TRPC7: variants seen among roughly 807,000 people sequenced by gnomAD.
TRPC7 encodes the protein short transient receptor potential channel 7.
A neutral mutation model predicts 90.1 loss-of-function variants in TRPC7; 42 were observed. That is an observed-to-expected ratio of 0.47 (90% CI 0.36 to 0.60). The LOEUF (loss-of-function observed/expected upper bound fraction) is 0.60, where lower values mean the gene tolerates loss of function less well. Among genes scored for constraint, TRPC7 ranks in the 20% least tolerant of loss-of-function variants. The pLI is 0.00. For missense variants in TRPC7, 955 were observed against 1,112.3 expected (o/e 0.86, Z 2.01); for synonymous variants, 451 against 436.3 (o/e 1.03, Z -0.42).
chr5:136,261,784 T>C (rs959611479), intron 5 of TRPC7, among the ~76,000 whole-genome samples: 3 of 152,258 alleles, frequency 2.0e-5, no homozygotes, highest in African/African-American at 7.2e-5. Context: ...TGCATTGATA[T>C]GTCCAAATTT....
Position 136,216,868 on chromosome 5 carries a change from A to G in TRPC7, c.2344-593T>C, listed in dbSNP as rs187651117. ...CGGGCCTCTGGGGTTTTACAGAGAT[A>G]CCACTTCCCACAGGCCTGACACTGT... On this transcript the variant is annotated intron_variant, in intron 10 of 11. Transcript: ENST00000513104. 2.4e-3 allele frequency among the ~76,000 whole-genome samples: 370 copies of G among 152,320 alleles called. 1 individual carries two copies. Among genetic ancestry groups the G allele is most frequent in the African/African-American group, 8.5e-3 (355 of 41,572 alleles).
chr5:136,310,887 C>T (rs544853227), intron 3 of TRPC7, among the ~76,000 whole-genome samples: 5 of 152,234 alleles, frequency 3.3e-5, no homozygotes, highest in African/African-American at 1.2e-4. Context: ...CTCTAGACCT[C>T]ATAGGTGGTG....
chr5:136,328,171 A>G (rs1458082752), intron 2 of TRPC7, among the ~76,000 whole-genome samples: 1 of 152,160 alleles, frequency 6.6e-6, no homozygotes, highest in Admixed American at 6.5e-5. Context: ...TAGTGCAGAG[A>G]CCGACAACAT....
intron 1 of TRPC7, among the ~76,000 whole-genome samples, chr5:136,360,224 T>C (rs1760525537): frequency 6.6e-6 from 1 of 152,236 alleles, no homozygotes; most frequent in Admixed American, 6.5e-5. Context: ...GTGAATATCA[T>C]AGACACTGCA....
intron 3 of TRPC7, among the ~76,000 whole-genome samples, chr5:136,300,037 CAAG>C (rs938881069): frequency 1.3e-4 from 20 of 151,950 alleles, no homozygotes; most frequent in African/African-American, 3.6e-4. Context: ...ACATGATAAC[CAAG>C]AAGAAGAAAA....
At chr5:136,305,896 C>T (rs1758606769) in intron 3 of TRPC7, among the ~76,000 whole-genome samples, 3 of 152,302 alleles carry the variant, frequency 2.0e-5, no homozygotes, top group African/African-American at 7.2e-5. Context: ...ATACTTTTAC[C>T]ACTTTCCCTT....
At chr5:136,294,413 A>G (rs1381734523) in intron 3 of TRPC7, among the ~76,000 whole-genome samples, 1 of 152,224 alleles carries the variant, frequency 6.6e-6, no homozygotes, top group East Asian at 1.9e-4. Flanking sequence ...TAATATCCAG[A>G]ATCTACAATG....
intron 4 of TRPC7, among the ~76,000 whole-genome samples, chr5:136,273,748 A>T (rs1757275065): frequency 6.6e-6 from 1 of 152,212 alleles, no homozygotes; most frequent in Non-Finnish European, 1.5e-5. Context: ...TGATTACCTA[A>T]GCTTAATTCC....
chr5:136,268,919 T>C (rs1442887411), intron 4 of TRPC7, among the ~76,000 whole-genome samples: 1 of 152,234 alleles, frequency 6.6e-6, no homozygotes, highest in East Asian at 1.9e-4. Context: ...TTCCTTTTTC[T>C]TTATTTGTAA....
chr5:136,235,848 A>T (rs2149798973), intron 7 of TRPC7, among the ~76,000 whole-genome samples: 1 of 152,256 alleles, frequency 6.6e-6, no homozygotes, highest in Non-Finnish European at 1.5e-5. Context: ...GATTCCTTCA[A>T]CTGTGTCAAT....
At chr5:136,328,904 G>A (rs1455917709) in intron 2 of TRPC7, among the ~76,000 whole-genome samples, 1 of 152,250 alleles carries the variant, frequency 6.6e-6, no homozygotes, top group Non-Finnish European at 1.5e-5. Context: ...GCAGGCAGCA[G>A]GGAAGAAGTT....
chr5:136,249,844 C>T (rs918812884), intron 6 of TRPC7, among the ~76,000 whole-genome samples: 3 of 152,146 alleles, frequency 2.0e-5, no homozygotes, highest in African/African-American at 7.2e-5. Flanking sequence ...AAGGAGCCAC[C>T]GTCCAGCTGG....
At chr5:136,363,698 G>A (rs1251415711) in intron 1 of TRPC7, among the ~76,000 whole-genome samples, 1 of 152,074 alleles carries the variant, frequency 6.6e-6, no homozygotes, top group African/African-American at 2.4e-5. Flanking sequence ...GTTAATAAGT[G>A]TTTCTATTAG....
chr5:136,282,215 A>T (rs1441353804), intron 3 of TRPC7, among the ~76,000 whole-genome samples: 1 of 152,124 alleles, frequency 6.6e-6, no homozygotes, highest in Non-Finnish European at 1.5e-5. Flanking sequence ...TGGAACTGGG[A>T]TGGGGTGTGG....
At chr5:136,353,294 G>A (rs986991402) in intron 2 of TRPC7, among the ~76,000 whole-genome samples, 5 of 152,194 alleles carry the variant, frequency 3.3e-5, no homozygotes, top group African/African-American at 9.7e-5. Context: ...AAAAACAATA[G>A]TCTGGGAAAA....
chr5:136,265,561 T>G (rs1259012386), intron 5 of TRPC7, among the ~76,000 whole-genome samples: 2 of 152,220 alleles, frequency 1.3e-5, no homozygotes, highest in Non-Finnish European at 2.9e-5. Flanking sequence ...CAGTTTTATT[T>G]TGTTCTGATT....
chr5:136,248,032 G>C (rs1210909388), intron 6 of TRPC7, among the ~76,000 whole-genome samples: 1 of 152,016 alleles, frequency 6.6e-6, no homozygotes, highest in Non-Finnish European at 1.5e-5. Context: ...CCCACCACGG[G>C]CTGGGCAGGT....
intron 3 of TRPC7, among the ~76,000 whole-genome samples, chr5:136,288,297 T>C (rs1196710826): frequency 1.3e-5 from 2 of 152,138 alleles, no homozygotes; most frequent in Non-Finnish European, 2.9e-5. Flanking sequence ...GTTTCTCCAG[T>C]CATTACACAT....
At chr5:136,334,056 C>T (rs1215628986) in intron 2 of TRPC7, among the ~76,000 whole-genome samples, 1 of 151,976 alleles carries the variant, frequency 6.6e-6, no homozygotes, top group Admixed American at 6.6e-5. Flanking sequence ...TTTAAAATAA[C>T]AAATTGAAAA....
Sources: allele counts gnomAD v4.1 joint callset (sites outside exome capture counted in the v4.1 genomes callset), GRCh38; gene constraint gnomAD v4.1.1; transcripts MANE v1.5; gene names NCBI Gene and HGNC (gene_info 2026-07-23, HGNC 2026-07-21).